The following GLB1 variants were observed in gnomAD, a reference collection of about 807,000 sequenced individuals.
GLB1 encodes the protein beta-galactosidase.
In GLB1, 56 loss-of-function variants were observed where a neutral mutation model predicts 74.0. That is an observed-to-expected ratio of 0.76 (90% confidence interval 0.61 to 0.94). The LOEUF is 0.94. GLB1 is among the 40% of genes least tolerant of loss of function. GLB1 has a pLI of 0.00. For missense variants in GLB1, 787 were observed against 845.5 expected (o/e 0.93, Z 0.86); for synonymous variants, 323 against 323.6 (o/e 1.00, Z 0.02).
At chr3:33,084,461 A>G (rs1195468871) in intron 1 of GLB1, among the ~76,000 whole-genome samples, 2 of 152,196 alleles carry the variant, frequency 1.3e-5, no homozygotes, top group Non-Finnish European at 2.9e-5. Flanking sequence ...ATCTATATGG[A>G]GATGGAAGAA....
intron 1 of GLB1, chr3:33,076,946 G>C: frequency 1.4e-6 from 1 of 708,170 alleles, no homozygotes; most frequent in Non-Finnish European, 2.0e-6. Flanking sequence ...AGAAGGGCCC[G>C]GACACAATGG....
chr3:33,058,091 G>A lies in GLB1; in HGVS notation c.731C>T (p.Thr244Ile). 2.5e-6 allele frequency: 4 copies of A among 1,613,514 alleles called. No homozygotes were observed. The highest frequency in any genetic ancestry group is 3.4e-6 in the Non-Finnish European group (4 of 1,180,024). ...QGLYTTVDFG[T>I]GSNITDAFLS... ...TTTCTGTTACTACAAACACCAACCT[G>A]TTCCAAAGTCCACCGTGGTGTAGAG... Residue 244 changes from threonine to isoleucine, a missense_variant and splice_region_variant, in exon 6 of 16, where the codon ACA becomes ATA. Transcript: ENST00000307363.
Position 33,024,275 on chromosome 3 carries a change from T to A in GLB1, c.1119A>T (p.Ala373=), listed in dbSNP as rs1276615868. 6.2e-7 allele frequency: 1 copy of A among 1,613,192 alleles called. No individual in the cohort carries two copies. The highest frequency in any genetic ancestry group is 8.5e-7 in the Non-Finnish European group (1 of 1,179,954). Residue 373 remains alanine (A), a synonymous_variant, in exon 11 of 16, where the codon GCA becomes GCT. Transcript: ENST00000307363. ...CCTTTTCCAAAGTGACCTTTCCATATGCAAACTTTGGTGTAGATGGAGGGA... is the reference window on the plus strand; with the variant it reads ...CCTTTTCCAAAGTGACCTTTCCATAAGCAAACTTTGGTGTAGATGGAGGGA... The part of the protein sequence containing the change: ...GPIPPSTPKF[A]YGKVTLEKLK...
chr3:32,981,892 CAT>C, the GLB1 span, among the ~76,000 whole-genome samples: 6 of 152,216 alleles, frequency 3.9e-5, no homozygotes, highest in South Asian at 4.1e-4. Context: ...TCTTGGTATT[CAT>C]ATGTTTTCAA....
At chr3:33,013,973 A>G in intron 15 of GLB1, 83 bp downstream of exon 15, 1 of 1,609,204 alleles carries the variant, frequency 6.2e-7, no homozygotes, top group Admixed American at 1.7e-5. Flanking sequence ...ATATCTCACT[A>G]ACAGCTCTTT....
the GLB1 span, among the ~76,000 whole-genome samples, chr3:32,989,869 C>A: frequency 6.6e-6 from 1 of 152,106 alleles, no homozygotes; most frequent in African/African-American, 2.4e-5. Context: ...ATGCCACCCG[C>A]CCTATTTCTT....
At chr3:33,020,465 C>T (rs1697420753) in intron 12 of GLB1, among the ~76,000 whole-genome samples, 1 of 152,178 alleles carries the variant, frequency 6.6e-6, no homozygotes, top group Non-Finnish European at 1.5e-5. Flanking sequence ...CACGGGCATC[C>T]TGCTATCATT....
chr3:33,069,314 G>C (rs567218552), intron 2 of GLB1, among the ~76,000 whole-genome samples: 2 of 152,158 alleles, frequency 1.3e-5, no homozygotes, highest in Non-Finnish European at 2.9e-5. Flanking sequence ...AAGCTAGGGA[G>C]GTTGAAGCTG....
chr3:32,962,939 C>T, the GLB1 span, among the ~76,000 whole-genome samples: 2 of 151,724 alleles, frequency 1.3e-5, no homozygotes, highest in Non-Finnish European at 2.9e-5. Flanking sequence ...TTACATACAC[C>T]GATTTAAAAG....
Position 33,024,313 on chromosome 3 carries a change from G to T in GLB1, c.1081C>A (p.Pro361Thr). The T allele has an allele frequency of 6.3e-7, 1 of 1,583,454 alleles. No homozygotes were observed. ...RNIIQKFEKV[P>T]EGPIPPSTPK... is the part of the protein sequence containing the mutation. Reference sequence around the variant, plus strand: ...GTAGATGGAGGGATAGGACCTTCTGGTACTTTTTCAAACTATAAACCAGAG... The same window carrying T: ...GTAGATGGAGGGATAGGACCTTCTGTTACTTTTTCAAACTATAAACCAGAG... The change falls in exon 11 of 16, where the codon CCA becomes ACA. Residue 361 changes from proline (P) to threonine (T), a missense_variant. Coordinates refer to ENST00000307363, the MANE Select transcript of GLB1 (RefSeq NM_000404.4).
intron 10 of GLB1, among the ~76,000 whole-genome samples, chr3:33,031,669 ATATAT>A (rs1575429258): frequency 7.7e-6 from 1 of 130,546 alleles, no homozygotes; most frequent in Non-Finnish European, 1.6e-5. Context: ...ATATATATAT[ATATAT>A]AATCTCCACT....
chr3:33,083,859 A>G (rs1273088057), intron 1 of GLB1, among the ~76,000 whole-genome samples: 5 of 152,246 alleles, frequency 3.3e-5, no homozygotes, highest in South Asian at 2.1e-4. Context: ...AAAATTAAAC[A>G]TAACACAATA....
chr3:33,054,904 T>C (rs1699150939), intron 6 of GLB1, among the ~76,000 whole-genome samples: 1 of 152,296 alleles, frequency 6.6e-6, no homozygotes, highest in South Asian at 2.1e-4. Context: ...GGCCCCACAC[T>C]TCACAACCCA....
intron 1 of GLB1, among the ~76,000 whole-genome samples, chr3:33,078,524 A>G (rs543539101): frequency 6.6e-6 from 1 of 152,340 alleles, no homozygotes; most frequent in Admixed American, 6.5e-5. Flanking sequence ...CAAAATCACA[A>G]TTGAACCCGA....
At chr3:33,031,216 TTGA>T (rs1697990840) in intron 10 of GLB1, among the ~76,000 whole-genome samples, 1 of 152,146 alleles carries the variant, frequency 6.6e-6, no homozygotes, top group Non-Finnish European at 1.5e-5. Flanking sequence ...TTTTGAGTCT[TTGA>T]TGAAGGAAGG....
At chr3:32,990,501 C>T in the GLB1 span, among the ~76,000 whole-genome samples, 3 of 152,088 alleles carry the variant, frequency 2.0e-5, no homozygotes, top group Non-Finnish European at 1.5e-5. Context: ...AAAAACAAAA[C>T]AAAACAAACC....
intron 12 of GLB1, among the ~76,000 whole-genome samples, chr3:33,019,596 T>C (rs1697384848): frequency 6.6e-6 from 1 of 152,220 alleles, no homozygotes; most frequent in African/African-American, 2.4e-5. Context: ...AGGAATGAGC[T>C]GAGCACAAGA....
At position 33,096,922 on chromosome 3, in the gene GLB1, G is replaced by A. The variant is rs940894442; in HGVS notation, c.75+89C>T. The A allele has an allele frequency of 3.9e-4, 597 of 1,540,202 alleles. 1 individual carries two copies. The highest frequency in any genetic ancestry group is 4.7e-4 in the Non-Finnish European group (542 of 1,143,836). ...TCGGGGCTCAGGCTCCCCGCCCTGC[G>A]GGACCGCGGGTGGCTGCGACCCCAG... On this transcript the variant is annotated intron_variant, in intron 1 of 15. Coordinates refer to ENST00000307363, the MANE Select transcript of GLB1 (RefSeq NM_000404.4).
intron 11 of GLB1, among the ~76,000 whole-genome samples, chr3:33,023,858 T>C (rs527696229): frequency 6.6e-6 from 1 of 152,322 alleles, no homozygotes; most frequent in East Asian, 1.9e-4. Context: ...TCTATCAAAA[T>C]GCCTGTGATT....
Sources: gnomAD v4.1 joint callset for allele counts (sites outside exome capture counted in the v4.1 genomes callset) on GRCh38, gnomAD v4.1.1 for gene constraint, MANE v1.5 for transcripts, NCBI Gene and HGNC (gene_info 2026-07-23, HGNC 2026-07-21) for gene names.